The following TXNDC5 variants were observed in gnomAD, a reference collection of about 807,000 sequenced individuals.
TXNDC5 encodes thioredoxin domain-containing protein 5.
In TXNDC5, 44 loss-of-function variants were observed where a neutral mutation model predicts 52.6. That is an observed-to-expected ratio of 0.84 (90% CI 0.66 to 1.08). The LOEUF is 1.08. Ranked by LOEUF, TXNDC5 falls within the 50% of genes least tolerant of loss-of-function variation. The probability of loss-of-function intolerance (pLI) is 0.00; values close to 1 mark genes in which losing one functional copy is unlikely to be tolerated. For missense variants in TXNDC5, 600 were observed against 565.5 expected (o/e 1.06, Z -0.62); for synonymous variants, 241 against 234.4 (o/e 1.03, Z -0.26).
chr6:7,891,188 A>G (rs934003913), intron 5 of TXNDC5, among the ~76,000 whole-genome samples: 2 of 152,178 alleles, frequency 1.3e-5, no homozygotes, highest in African/African-American at 4.8e-5. Flanking sequence ...GCTGGAAAGA[A>G]TCCCAGGCAC....
In TXNDC5 at chr6:7,904,560, TC is replaced by T; in HGVS notation, c.413+13del. 3 of 1,613,148 alleles carry T rather than the reference TC, an allele frequency of 1.9e-6. No homozygotes were observed. Among genetic ancestry groups the T allele is most frequent in the Non-Finnish European group, 2.5e-6 (3 of 1,179,228 alleles). ...GAGCCACCTAGGAAGTGTGCCCCCT[TC>T]CTTCCAACTTACGTGGGGTATCCTC... On this transcript the variant is annotated intron_variant, in intron 2 of 9. Coordinates refer to ENST00000379757, the MANE Select transcript of TXNDC5 (RefSeq NM_030810.5).
At position 7,881,875 on chromosome 6, in the gene TXNDC5, A is replaced by AAGTGGTTAT. The variant is rs1220552110; in HGVS notation, c.*1260_*1268dup. 6.6e-6 allele frequency: 1 copy of AAGTGGTTAT among 152,256 alleles called. No individual in the cohort carries two copies. Among genetic ancestry groups the AAGTGGTTAT allele is most frequent in the Non-Finnish European group, 1.5e-5 (1 of 68,036 alleles). The allele number at this position is 152,256 out of a possible 1,614,324, so 9.4% of individuals were successfully genotyped here. ...AGGTGGGTGAAGAGTGTTGGATGCA[A>AAGTGGTTAT]AGTGGTTATTATGGGAAGTAGCTCG... On this transcript the variant is annotated 3_prime_UTR_variant, in exon 10 of 10. Transcript: ENST00000379757.
At chr6:7,892,337 A>C (rs1215595002) in intron 4 of TXNDC5, among the ~76,000 whole-genome samples, 1 of 152,270 alleles carries the variant, frequency 6.6e-6, no homozygotes, top group African/African-American at 2.4e-5. Flanking sequence ...ACGGGGACAC[A>C]ATTAGCAAAG....
rs11962800 is a variant in TXNDC5, at chr6:7,886,672, A to C, written c.964-629T>G. 5.9e-5 allele frequency among the ~76,000 whole-genome samples: 9 copies of C among 152,258 alleles called. No individual in the cohort carries two copies. In the South Asian group the frequency reaches 1.9e-3, roughly 32 times the overall value. ...GGAGAATTTAAGGGAAAGGTGCTAC[A>C]TGGTAGTCTGCTTTAAAGCCATTCT... On this transcript the variant is annotated intron_variant, in intron 7 of 9. Transcript: ENST00000379757.
chr6:7,896,670 TG>T (rs1410342511), intron 3 of TXNDC5, among the ~76,000 whole-genome samples: 12 of 152,176 alleles, frequency 7.9e-5, no homozygotes, highest in African/African-American at 2.9e-4. Flanking sequence ...AATGGCTAAG[TG>T]AACAGTCAAT....
Position 7,893,292 on chromosome 6 carries a change from G to A in TXNDC5, c.617-1556C>T, listed in dbSNP as rs118005676. On this transcript the variant is annotated intron_variant, in intron 4 of 9. Coordinates refer to ENST00000379757, the MANE Select transcript of TXNDC5 (RefSeq NM_030810.5). ...TCACAGCTACTGTCTCATCAGCACA[G>A]CAACAATGCACTTGAAGAAAATGGT... Among the ~76,000 whole-genome samples the A allele has an allele frequency of 3.3e-5, 5 of 152,388 alleles. No homozygotes were observed. In the East Asian group the frequency reaches 9.6e-4, roughly 29 times the overall value.
intron 3 of TXNDC5, among the ~76,000 whole-genome samples, chr6:7,899,212 TAAC>T (rs977421964): frequency 1.3e-5 from 2 of 152,122 alleles, no homozygotes; most frequent in African/African-American, 4.8e-5. Context: ...GTGGCAGTGT[TAAC>T]AAAGAGTAAG....
At chr6:7,889,251 T>G in intron 6 of TXNDC5, 1 of 506,048 alleles carries the variant, frequency 2.0e-6, no homozygotes, top group Non-Finnish European at 3.5e-6. Flanking sequence ...ACAGTTACCC[T>G]GTGACTGTAA....
intron 2 of TXNDC5, among the ~76,000 whole-genome samples, chr6:7,903,620 G>A (rs1447393518): frequency 6.6e-6 from 1 of 152,130 alleles, no homozygotes; most frequent in Non-Finnish European, 1.5e-5. Context: ...CTGCCTCCCA[G>A]GTTTGAATAT....
At chr6:7,884,531 A>C (rs1486774052) in intron 8 of TXNDC5, 43 bp from the exon 9 acceptor site, 2 of 1,612,490 alleles carry the variant, frequency 1.2e-6, no homozygotes, top group Non-Finnish European at 8.5e-7. Context: ...TCCTGGGTCG[A>C]GATCATTCAC....
chr6:7,903,903 G>A (rs745366683), intron 2 of TXNDC5, among the ~76,000 whole-genome samples: 2 of 152,148 alleles, frequency 1.3e-5, no homozygotes, highest in African/African-American at 4.8e-5. Context: ...TTCCAGCCAA[G>A]CAGGGCCAGT....
chr6:7,897,634 T>A (rs6930804), intron 3 of TXNDC5, among the ~76,000 whole-genome samples: 4,243 of 152,230 alleles, frequency 0.028, 81 homozygotes, highest in African/African-American at 0.06. Flanking sequence ...AGACAGAAAG[T>A]CCCTTGCAGA....
intron 9 of TXNDC5, among the ~76,000 whole-genome samples, chr6:7,883,667 A>T (rs896130613): frequency 1.3e-5 from 2 of 152,198 alleles, no homozygotes; most frequent in African/African-American, 4.8e-5. Flanking sequence ...TGAGAGCAAG[A>T]TCCTCTTGAG....
chr6:7,910,525 G>A lies in TXNDC5; in HGVS notation c.252C>T (p.Phe84=), dbSNP rs1294966242. The A allele has an allele frequency of 6.9e-6, 10 of 1,448,702 alleles. No homozygotes were observed. The highest frequency in any genetic ancestry group is 2.5e-5 in the South Asian group (2 of 78,492). 89.7% of individuals were successfully genotyped at this position (1,448,702 alleles called of 1,614,324 possible). Residue 84 remains phenylalanine (F), a synonymous_variant, in exon 1 of 10, where the codon TTC becomes TTT. Transcript: ENST00000379757. ...GIQSAAHFVM[F]FAPWCGHCQR... The stretch of plus-strand genomic sequence containing the variant: ...CTGCGCGGCGTTACCAGGGCGCGAA[G>A]AACATGACGAAGTGCGCGGCGCTCT...
In TXNDC5 at chr6:7,884,480, T is replaced by C. The variant is rs750337893; in HGVS notation, c.1055A>G (p.His352Arg). The stretch of plus-strand genomic sequence containing the variant: ...CCAAGTAGGAGCCAGAGTCTTACAA[T>C]GACCACACCTAAGACGAGAAAAATG... Reference protein sequence around the residue: ...FIKFYAPWCGHCKTLAPTWEE... With the variant: ...FIKFYAPWCGRCKTLAPTWEE... Residue 352 changes from histidine (H) to arginine (R), a missense_variant, in exon 9 of 10, where the codon CAT becomes CGT. Coordinates refer to ENST00000379757, the MANE Select transcript of TXNDC5 (RefSeq NM_030810.5). 6.2e-7 allele frequency: 1 copy of C among 1,614,122 alleles called. No homozygotes were observed. The highest frequency in any genetic ancestry group is 8.5e-7 in the Non-Finnish European group (1 of 1,179,966).
At chr6:7,886,299 GAC>G (rs1759980674) in intron 7 of TXNDC5, among the ~76,000 whole-genome samples, 1 of 152,124 alleles carries the variant, frequency 6.6e-6, no homozygotes, top group Non-Finnish European at 1.5e-5. Flanking sequence ...GAGGTGGCTG[GAC>G]ACTGTACAGG....
intron 1 of TXNDC5, chr6:7,909,686 C>A: frequency 1.3e-6 from 1 of 790,870 alleles, no homozygotes; most frequent in Non-Finnish European, 1.5e-6. Context: ...CCACCCTGAG[C>A]TGCAGGGGGG....
rs114840241 is a variant in TXNDC5, at chr6:7,893,837, C to G, written c.616+1269G>C. The stretch of plus-strand genomic sequence containing the variant: ...CCAAGCCATTTCTCACGTTTCCAAC[C>G]CAGTCTTCTAAGGGGATTTCTCTCC... On this transcript the variant is annotated intron_variant, in intron 4 of 9. Transcript: ENST00000379757. Among the ~76,000 whole-genome samples, 402 of 152,330 alleles carry G rather than the reference C, an allele frequency of 2.6e-3. 2 individuals carry two copies. Among genetic ancestry groups the G allele is most frequent in the African/African-American group, 9.2e-3 (383 of 41,562 alleles).
intron 6 of TXNDC5, 22 bp from the exon 7 acceptor site, chr6:7,888,870 G>A (rs1364232580): frequency 1.4e-5 from 22 of 1,586,150 alleles, no homozygotes; most frequent in Middle Eastern, 1.7e-4. Context: ...ACGGGCACGC[G>A]GCTGAGTGAG....
Sources: allele counts gnomAD v4.1 joint callset (sites outside exome capture counted in the v4.1 genomes callset), GRCh38; gene constraint gnomAD v4.1.1; transcripts MANE v1.5; gene names NCBI Gene and HGNC (gene_info 2026-07-23, HGNC 2026-07-21).